The following KLHDC2 variants were observed in gnomAD, a reference collection of about 807,000 sequenced individuals.
KLHDC2 encodes the protein kelch domain-containing protein 2.
In KLHDC2, 38 loss-of-function variants were observed where a neutral mutation model predicts 62.3. The observed-to-expected ratio is 0.61, with a 90% CI of 0.47 to 0.80. The LOEUF (loss-of-function observed/expected upper bound fraction) is 0.80. Ranked by LOEUF, KLHDC2 falls within the 30% of genes least tolerant of loss-of-function variation. The probability of loss-of-function intolerance (pLI) is 0.00; values close to 1 mark genes in which losing one functional copy is unlikely to be tolerated. For synonymous variants in KLHDC2, 159 were observed against 161.0 expected, an observed-to-expected ratio of 0.99 and a Z score of 0.09; for missense variants, 430 against 495.3, an observed-to-expected ratio of 0.87 and a Z score of 1.25.
chr14:49,773,897 A>C (rs2139792599), intron 2 of KLHDC2, among the ~76,000 whole-genome samples: 1 of 152,334 alleles, frequency 6.6e-6, no homozygotes, highest in Admixed American at 6.5e-5. Context: ...CTTTTAAAAA[A>C]ATGAGCCTTC....
In KLHDC2 at chr14:49,785,014, C is replaced by A. The variant is rs762992797; in HGVS notation, c.*2061C>A. 6.8e-6 allele frequency: 11 copies of A among 1,611,154 alleles called. No individual in the cohort carries two copies. The highest frequency in any genetic ancestry group is 8.5e-6 in the Non-Finnish European group (10 of 1,178,270). On this transcript the variant is annotated 3_prime_UTR_variant, in exon 13 of 13. Transcript: ENST00000298307. ...AAGGCTGTTTTTGCAGCTGTAAATA[C>A]AAAAAAGAGTAAGAATAATCTACTG...
Position 49,783,067 on chromosome 14 carries a change from T to C in KLHDC2, c.*114T>C. On this transcript the variant is annotated 3_prime_UTR_variant, in exon 13 of 13. Transcript: ENST00000298307. ...TTGTTGTAGTTTGCACCTGTTGGTT[T>C]TAATGTGCATGTGAATGGCCTAGAG... 1 of 1,107,852 alleles carries C rather than the reference T, an allele frequency of 9.0e-7. No individual in the cohort carries two copies. The highest frequency in any genetic ancestry group is 1.3e-6 in the Non-Finnish European group (1 of 788,518). 68.6% of individuals were successfully genotyped at this position (1,107,852 alleles called of 1,614,324 possible).
At chr14:49,776,964 A>G (rs1360198127) in intron 3 of KLHDC2, among the ~76,000 whole-genome samples, 2 of 151,530 alleles carry the variant, frequency 1.3e-5, no homozygotes, top group African/African-American at 4.9e-5. Flanking sequence ...TATCAGCACA[A>G]TTTTGCAATT....
Position 49,783,139 on chromosome 14 carries a change from G to T in KLHDC2, c.*186G>T. 1 of 451,566 alleles carries T rather than the reference G, an allele frequency of 2.2e-6. No individual in the cohort carries two copies. Among genetic ancestry groups the T allele is most frequent in the Non-Finnish European group, 3.8e-6 (1 of 261,842 alleles). The allele number at this position is 451,566 out of a possible 1,614,324, so 28.0% of individuals were successfully genotyped here. A position where few individuals can be genotyped will look rare whatever the true frequency, so the allele number is the denominator to read the frequency against. On this transcript the variant is annotated 3_prime_UTR_variant, in exon 13 of 13. Coordinates refer to ENST00000298307, the MANE Select transcript of KLHDC2 (RefSeq NM_014315.3). Reference sequence around the variant, plus strand: ...TTTACAATAAATGTATTTAACACCAGTAGCTGTCCTCTATTAAAGTAAAGT... The same window carrying T: ...TTTACAATAAATGTATTTAACACCATTAGCTGTCCTCTATTAAAGTAAAGT...
intron 10 of KLHDC2, chr14:49,782,141 C>T (rs1397480507): frequency 2.0e-6 from 1 of 498,042 alleles, no homozygotes; most frequent in Middle Eastern, 5.2e-4. Flanking sequence ...AGTTCAAACT[C>T]CTCATTGCAT....
intron 1 of KLHDC2, chr14:49,768,882 G>A: frequency 4.4e-6 from 2 of 455,558 alleles, no homozygotes; most frequent in Non-Finnish European, 3.9e-6. Flanking sequence ...TCCCACCCCC[G>A]TTGTTGCCAT....
Position 49,777,844 on chromosome 14 carries a change from C to T in KLHDC2, c.357C>T (p.Tyr119=), listed in dbSNP as rs2139797412. 6.5e-7 allele frequency: 1 copy of T among 1,547,166 alleles called. No homozygotes were observed. The highest frequency in any genetic ancestry group is 8.8e-7 in the Non-Finnish European group (1 of 1,135,678). Reference sequence around the variant, plus strand: ...GAAATCATTGCTTCTGACAGTTCTACATGCTGGATTCAAGGTCTACAGACA... The same window carrying T: ...GAAATCATTGCTTCTGACAGTTCTATATGCTGGATTCAAGGTCTACAGACA... ...HHSRGNTNKF[Y]MLDSRSTDRV... Residue 119 remains tyrosine, a synonymous_variant, in exon 4 of 13, where the codon TAC becomes TAT. Transcript: ENST00000298307.
At chr14:49,768,914 G>C (rs1357916764) in intron 1 of KLHDC2, 2 of 393,758 alleles carry the variant, frequency 5.1e-6, no homozygotes, top group Non-Finnish European at 9.1e-6. Context: ...TCCGGGGAAG[G>C]CCCTGTTAAT....
Position 49,773,570 on chromosome 14 carries a change from CTT to C in KLHDC2, c.234-971_234-970del, listed in dbSNP as rs569284056. Among the ~76,000 whole-genome samples, 204 of 74,156 alleles carry C rather than the reference CTT, an allele frequency of 2.8e-3. 2 individuals carry two copies. The highest frequency in any genetic ancestry group is 0.015 in the East Asian group (36 of 2,440). The allele number at this position is 74,156 out of a possible 152,430, so 48.6% of individuals were successfully genotyped here. A position where few individuals can be genotyped will look rare whatever the true frequency, so the allele number is the denominator to read the frequency against. ...CCCTGTTTCTATTTAAAAATAATAA[CTT>C]TTTTTTTTTTTTTTTTTTTAATGAG... On this transcript the variant is annotated intron_variant, in intron 2 of 12. Transcript: ENST00000298307.
At chr14:49,777,743 A>C (rs998160210) in intron 3 of KLHDC2, 96 bp from the exon 4 acceptor site, 3 of 681,614 alleles carry the variant, frequency 4.4e-6, no homozygotes, top group Non-Finnish European at 7.5e-6. Flanking sequence ...GCACTGAATT[A>C]GATGGCACTC....
rs759888462 is a variant in KLHDC2 at position 49,782,603 on chromosome 14, C to T, written c.1097+9C>T. The stretch of plus-strand genomic sequence containing the variant: ...CCAAAATCTCTTGTACGGTAAGTAA[C>T]TTTGTACTTGGCACTTAGATTATTT... On this transcript the variant is annotated intron_variant, in intron 12 of 12. Transcript: ENST00000298307. 1.9e-6 allele frequency: 3 copies of T among 1,590,794 alleles called. No individual in the cohort carries two copies. Among genetic ancestry groups the T allele is most frequent in the Non-Finnish European group, 2.6e-6 (3 of 1,164,290 alleles).
chr14:49,782,899 C>A lies in KLHDC2; in HGVS notation c.1167C>A (p.His389Gln), dbSNP rs1889975655. ...ACTCATGGAACTGCCTTCCAAAACACTTACTTCACAGTGTTAATCAGAGGT... is the reference window on the plus strand; with the variant it reads ...ACTCATGGAACTGCCTTCCAAAACAATTACTTCACAGTGTTAATCAGAGGT... The part of the protein sequence containing the change: ...LANSWNCLPK[H>Q]LLHSVNQRFG... Residue 389 changes from histidine (H) to glutamine (Q), a missense_variant, in exon 13 of 13, where the codon CAC becomes CAA. By Grantham distance (24) the His-to-Gln change is conservative. Transcript: ENST00000298307. 1.2e-6 allele frequency: 2 copies of A among 1,613,676 alleles called. No homozygotes were observed. Among genetic ancestry groups the A allele is most frequent in the African/African-American group, 2.7e-5 (2 of 74,920 alleles).
chr14:49,778,107 C>G, intron 4 of KLHDC2, 71 bp from the exon 5 acceptor site: 1 of 1,061,528 alleles, frequency 9.4e-7, no homozygotes, highest in Non-Finnish European at 1.4e-6. Context: ...AACACAGCAC[C>G]TAAGATAAAC....
intron 10 of KLHDC2, among the ~76,000 whole-genome samples, chr14:49,781,692 G>C (rs1206141244): frequency 6.7e-6 from 1 of 150,260 alleles, no homozygotes; most frequent in Non-Finnish European, 1.5e-5. Context: ...GCAAGACTCT[G>C]TCTCTTAAAA....
At chr14:49,780,870 C>T (rs1889882484) in intron 10 of KLHDC2, 95 bp downstream of exon 10, 2 of 745,846 alleles carry the variant, frequency 2.7e-6, no homozygotes, top group East Asian at 4.9e-5. Context: ...ATAAAAATCT[C>T]AGCATTCACT....
rs1889848629 is a variant in KLHDC2 at position 49,779,739 on chromosome 14, C to CT, written c.715-3dup. On this transcript the variant is annotated splice_polypyrimidine_tract_variant and intron_variant, in intron 7 of 12. Transcript: ENST00000298307. ...TCTTCAAAATGATAACTTAATTATCCTTTTTTAGGATGCTAGAATGAATGA... is the reference window on the plus strand; with the variant it reads ...TCTTCAAAATGATAACTTAATTATCCTTTTTTTAGGATGCTAGAATGAATGA... 6.2e-7 allele frequency: 1 copy of CT among 1,606,998 alleles called. No homozygotes were observed. The highest frequency in any genetic ancestry group is 8.5e-7 in the Non-Finnish European group (1 of 1,173,850).
chr14:49,777,719 T>C, intron 3 of KLHDC2, 120 bp from the exon 4 acceptor site: 5 of 579,824 alleles, frequency 8.6e-6, no homozygotes, highest in Non-Finnish European at 3.0e-6. Flanking sequence ...CAGTCTGCAG[T>C]CACAATTTCA....
At position 49,782,421 on chromosome 14, in the gene KLHDC2, T is replaced by G; in HGVS notation, c.1008T>G (p.Gly336=). 6.2e-7 allele frequency: 1 copy of G among 1,612,570 alleles called. No individual in the cohort carries two copies. The highest frequency in any genetic ancestry group is 8.5e-7 in the Non-Finnish European group (1 of 1,178,650). The change falls in exon 11 of 13, where the codon GGT becomes GGG. Residue 336 remains glycine, a synonymous_variant. Transcript: ENST00000298307. The stretch of plus-strand genomic sequence containing the variant: ...ATGAAGGAGAAGTAATTGTTTTTGG[T>G]GGATGTGCCAACAACTTGCTTGTCC... ...ASDEGEVIVF[G]GCANNLLVHH...
chr14:49,777,315 T>A (rs1289690261), intron 3 of KLHDC2, among the ~76,000 whole-genome samples: 2 of 152,090 alleles, frequency 1.3e-5, no homozygotes. Context: ...GCTTGGGTGA[T>A]GAGTGCACCA....
Sources: gnomAD v4.1 joint callset for allele counts (sites outside exome capture counted in the v4.1 genomes callset) on GRCh38, gnomAD v4.1.1 for gene constraint, MANE v1.5 for transcripts, NCBI Gene and HGNC (gene_info 2026-07-23, HGNC 2026-07-21) for gene names.